The following CHD9 variants were observed in gnomAD, a reference collection of about 807,000 sequenced individuals.
CHD9 encodes the protein chromodomain helicase DNA binding protein 9.
Under a neutral mutation model 316.1 loss-of-function variants are expected in CHD9, and 77 were observed. That is an observed-to-expected ratio of 0.24 (90% CI 0.20 to 0.29). The LOEUF is 0.29. CHD9 is among the 10% of genes least tolerant of loss of function. CHD9 has a pLI of 1.00. For missense variants in CHD9, 2,763 were observed against 3,438.1 expected (o/e 0.80, Z 4.91); for synonymous variants, 1,129 against 1,158.3 (o/e 0.97, Z 0.51).
At chr16:53,190,226 C>A (rs551375984) in intron 2 of CHD9, among the ~76,000 whole-genome samples, 1 of 151,988 alleles carries the variant, frequency 6.6e-6, no homozygotes, top group Non-Finnish European at 1.5e-5. Context: ...GGAGACAAAC[C>A]TAATTTCTTT....
At chr16:53,264,006 A>G (rs960455054) in intron 20 of CHD9, among the ~76,000 whole-genome samples, 1 of 152,040 alleles carries the variant, frequency 6.6e-6, no homozygotes, top group Non-Finnish European at 1.5e-5. Context: ...ATAGAAAAAT[A>G]TAATGTAATA....
chr16:53,201,597 T>C (rs979583356), intron 2 of CHD9, among the ~76,000 whole-genome samples: 1 of 152,190 alleles, frequency 6.6e-6, no homozygotes, highest in Admixed American at 6.5e-5. Flanking sequence ...CTACTTGTTA[T>C]TCCAGAATAT....
chr16:53,267,894 C>T (rs774931277), intron 21 of CHD9, 33 bp from the exon 22 acceptor site: 23 of 1,564,596 alleles, frequency 1.5e-5, no homozygotes, highest in Non-Finnish European at 1.9e-5. Flanking sequence ...GAACTTGACT[C>T]AATATCAATG....
chr16:53,246,704 G>A (rs929230827), intron 15 of CHD9, among the ~76,000 whole-genome samples: 21 of 150,966 alleles, frequency 1.4e-4, no homozygotes, highest in African/African-American at 5.1e-4. Flanking sequence ...TTTTCTTTTT[G>A]GTAGAGATGG....
intron 34 of CHD9, among the ~76,000 whole-genome samples, chr16:53,310,081 T>C (rs908931960): frequency 6.6e-6 from 1 of 152,238 alleles, no homozygotes; most frequent in Non-Finnish European, 1.5e-5. Flanking sequence ...CAAATGCTGC[T>C]ATTACCACTT....
At chr16:53,202,939 A>G (rs1176212469) in intron 2 of CHD9, among the ~76,000 whole-genome samples, 1 of 152,194 alleles carries the variant, frequency 6.6e-6, no homozygotes, top group Non-Finnish European at 1.5e-5. Context: ...AAACAAATCT[A>G]AGGGTAAAAT....
At chr16:53,079,883 G>A (rs982959574) in intron 1 of CHD9, among the ~76,000 whole-genome samples, 1 of 152,200 alleles carries the variant, frequency 6.6e-6, no homozygotes, top group Non-Finnish European at 1.5e-5. Flanking sequence ...AGCTGTTTCT[G>A]ACTTGTGTCT....
rs547603138 is a variant in CHD9 at position 53,212,168 on chromosome 16, G to A, written c.1784+2355G>A. Among the ~76,000 whole-genome samples the A allele has an allele frequency of 1.9e-3, 286 of 152,184 alleles. 1 individual carries two copies. Among genetic ancestry groups the A allele is most frequent in the Non-Finnish European group, 2.1e-3 (144 of 67,978 alleles). On this transcript the variant is annotated intron_variant, in intron 3 of 38. Coordinates refer to ENST00000447540, the MANE Select transcript of CHD9 (RefSeq NM_001308319.2). Reference sequence around the variant, plus strand: ...TGTAATCCCAGCACTTTGGGAGGCCGAGGCGGGCGGATCACGAGGTCAGGA... The same window carrying A: ...TGTAATCCCAGCACTTTGGGAGGCCAAGGCGGGCGGATCACGAGGTCAGGA...
Position 53,070,518 on chromosome 16 carries a change from TTCCTTCCTTCCTTC to T in CHD9, c.-165+15442_-165+15455del, listed in dbSNP as rs143514536. On this transcript the variant is annotated intron_variant, in intron 1 of 38. Transcript: ENST00000447540. The stretch of plus-strand genomic sequence containing the variant: ...CTTCCTTCCTTCCTTCCTTCCTTCC[TTCCTTCCTTCCTTC>T]CTCTCTCTCTCTCTCTCTCTCTTTC... 3.6e-3 allele frequency among the ~76,000 whole-genome samples: 82 copies of T among 22,994 alleles called. 1 individual carries two copies. The highest frequency in any genetic ancestry group is 0.027 in the South Asian group (22 of 808). The allele number at this position is 22,994 out of a possible 152,430, so 15.1% of individuals were successfully genotyped here. A position where few individuals can be genotyped will look rare whatever the true frequency, so the allele number is the denominator to read the frequency against.
At chr16:53,211,918 G>A (rs2152877527) in intron 3 of CHD9, among the ~76,000 whole-genome samples, 1 of 152,260 alleles carries the variant, frequency 6.6e-6, no homozygotes, top group African/African-American at 2.4e-5. Context: ...ATTTTTGAGT[G>A]AAGAATCATT....
chr16:53,296,906 T>C (rs768299748), intron 29 of CHD9, 50 bp from the exon 30 acceptor site: 2 of 1,187,658 alleles, frequency 1.7e-6, no homozygotes, highest in South Asian at 2.6e-5. Context: ...AGTATTAATA[T>C]TAATTTTAGT....
At chr16:53,075,615 G>A (rs1013789451) in intron 1 of CHD9, among the ~76,000 whole-genome samples, 3 of 152,086 alleles carry the variant, frequency 2.0e-5, no homozygotes, top group African/African-American at 7.2e-5. Flanking sequence ...TATTCCGGGG[G>A]TGGGGGGTTC....
intron 1 of CHD9, among the ~76,000 whole-genome samples, chr16:53,146,438 A>ATATATATATATATATAT (rs1567374423): frequency 2.2e-5 from 1 of 46,380 alleles, no homozygotes; most frequent in African/African-American, 9.2e-5. Context: ...TATATATATA[A>ATATATATATATATATAT]TTAAAAAGTT....
At chr16:53,137,333 A>T (rs1383825256) in intron 1 of CHD9, among the ~76,000 whole-genome samples, 1 of 152,136 alleles carries the variant, frequency 6.6e-6, no homozygotes, top group Non-Finnish European at 1.5e-5. Context: ...ATTCTAATGT[A>T]TGATGGATGT....
intron 35 of CHD9, 153 bp from the exon 36 acceptor site, chr16:53,314,670 C>G (rs2153102002): frequency 2.1e-6 from 2 of 950,960 alleles, no homozygotes; most frequent in East Asian, 5.3e-5. Flanking sequence ...AATCTTAGCA[C>G]TGTCCAAGAG....
At chr16:53,193,318 G>A (rs1007540155) in intron 2 of CHD9, among the ~76,000 whole-genome samples, 6 of 151,838 alleles carry the variant, frequency 4.0e-5, no homozygotes, top group Non-Finnish European at 8.8e-5. Flanking sequence ...GCGTGGTGGC[G>A]GGCCCCTGTA....
At chr16:53,229,656 A>G (rs1177416105) in intron 8 of CHD9, among the ~76,000 whole-genome samples, 3 of 152,246 alleles carry the variant, frequency 2.0e-5, no homozygotes, top group Admixed American at 6.5e-5. Flanking sequence ...AGTCACAAAA[A>G]TAGTACAATG....
intron 1 of CHD9, among the ~76,000 whole-genome samples, chr16:53,145,477 C>T (rs988899512): frequency 4.6e-5 from 7 of 150,820 alleles, no homozygotes; most frequent in African/African-American, 9.7e-5. Flanking sequence ...GAGGCTGAGG[C>T]GGGTGGATCA....
intron 2 of CHD9, among the ~76,000 whole-genome samples, chr16:53,187,433 G>A (rs1247600356): frequency 6.6e-6 from 1 of 152,086 alleles, no homozygotes; most frequent in Non-Finnish European, 1.5e-5. Context: ...TTGAACCCAG[G>A]AGTTCAAAGT....
Sources: gnomAD v4.1 joint callset for allele counts (sites outside exome capture counted in the v4.1 genomes callset) on GRCh38, gnomAD v4.1.1 for gene constraint, MANE v1.5 for transcripts, NCBI Gene and HGNC (gene_info 2026-07-23, HGNC 2026-07-21) for gene names.